The following SLC39A6 variants were observed in gnomAD, a reference collection of about 807,000 sequenced individuals.
The protein encoded by SLC39A6 is solute carrier family 39 member 6.
SLC39A6 carries 51 observed loss-of-function variants against 63.5 expected under a neutral mutation model. The observed-to-expected ratio is 0.80, with a 90% CI of 0.64 to 1.01. The LOEUF (loss-of-function observed/expected upper bound fraction) is 1.01, where lower values mean the gene tolerates loss of function less well. Ranked by LOEUF, SLC39A6 falls within the 50% of genes least tolerant of loss-of-function variation. The pLI is 0.00. For missense variants in SLC39A6, 805 were observed against 927.8 expected, an observed-to-expected ratio of 0.87 and a Z score of 1.72; for synonymous variants, 318 against 324.7, an observed-to-expected ratio of 0.98 and a Z score of 0.22.
chr18:36,125,350 G>GAAAA (rs72307025), intron 2 of SLC39A6, among the ~76,000 whole-genome samples: 3 of 134,044 alleles, frequency 2.2e-5, no homozygotes, highest in Non-Finnish European at 1.6e-5. Flanking sequence ...AGCCAAAAAA[G>GAAAA]AAAAAAAAAA....
chr18:36,122,247 A>T lies in SLC39A6; in HGVS notation c.1164T>A (p.Ser388Arg). 1 of 1,613,346 alleles carries T rather than the reference A, an allele frequency of 6.2e-7. No homozygotes were observed. The highest frequency in any genetic ancestry group is 8.5e-7 in the Non-Finnish European group (1 of 1,179,536). ...LPHSHASHHH[S>R]HSHEEPAMEM... ...CCATTGCTGGTTCTTCATGGCTATG[A>T]CTATGGTGGTGACTTGCATGAGACT... The change falls in exon 5 of 10, where the codon AGT becomes AGA. Residue 388 changes from serine (S) to arginine (R), a missense_variant. Around this residue, in one of 4 missense-constraint regions of SLC39A6, gnomAD observed 639 missense variants for 644.0 expected, o/e 0.99. Transcript: ENST00000269187.
At chr18:36,120,290 T>A (rs2089382178) in intron 5 of SLC39A6, among the ~76,000 whole-genome samples, 1 of 152,016 alleles carries the variant, frequency 6.6e-6, no homozygotes, top group African/African-American at 2.4e-5. Context: ...TAGAAACTAT[T>A]CAATAACATT....
chr18:36,111,278 A>C (rs767290311), intron 8 of SLC39A6, 29 bp from the exon 9 acceptor site: 1 of 1,602,304 alleles, frequency 6.2e-7, no homozygotes, highest in East Asian at 2.2e-5. Flanking sequence ...AAGGAGGAAA[A>C]AGTCATTGAG....
At chr18:36,115,484 A>T (rs1290021102) in intron 6 of SLC39A6, among the ~76,000 whole-genome samples, 1 of 151,708 alleles carries the variant, frequency 6.6e-6, no homozygotes, top group Non-Finnish European at 1.5e-5. Flanking sequence ...AACAACAACA[A>T]CAACAACAAC....
Position 36,108,912 on chromosome 18 carries a change from G to A in SLC39A6, c.*681C>T, listed in dbSNP as rs1394300584. 6.6e-6 allele frequency: 1 copy of A among 152,072 alleles called. No individual in the cohort carries two copies. The highest frequency in any genetic ancestry group is 2.4e-5 in the African/African-American group (1 of 41,402). 9.4% of individuals were successfully genotyped at this position (152,072 alleles called of 1,614,324 possible). On this transcript the variant is annotated 3_prime_UTR_variant, in exon 10 of 10. Transcript: ENST00000269187. ...CAATTTCTTGGTCAAGTGATATATT[G>A]CTTGAATTCATTAAATATATTTAGA...
chr18:36,126,296 T>C lies in SLC39A6; in HGVS notation c.712A>G (p.Arg238Gly). ...TCACTCACAGATTCATTTGTTTTCC[T>C]ACCAGCCAGCCGGCTCACCCGGCTC... Reference protein sequence around the residue: ...SKSRVSRLAGRKTNESVSEPR... With the variant: ...SKSRVSRLAGGKTNESVSEPR... Residue 238 changes from arginine (R) to glycine (G), a missense_variant, in exon 2 of 10, where the codon AGG (arginine) becomes GGG (glycine). This residue lies in a region of SLC39A6 where 639 missense variants were observed against 644.0 expected (regional missense o/e 0.99). Transcript: ENST00000269187. 1.2e-6 allele frequency: 2 copies of C among 1,614,252 alleles called. No individual in the cohort carries two copies. Among genetic ancestry groups the C allele is most frequent in the Non-Finnish European group, 1.7e-6 (2 of 1,180,042 alleles).
chr18:36,124,423 T>G, intron 3 of SLC39A6, 97 bp downstream of exon 3: 1 of 721,108 alleles, frequency 1.4e-6, no homozygotes, highest in Non-Finnish European at 2.2e-6. Flanking sequence ...ATATTCAGAA[T>G]TGTACTGGAA....
At chr18:36,110,963 C>T in intron 9 of SLC39A6, 96 bp downstream of exon 9, 1 of 1,514,340 alleles carries the variant, frequency 6.6e-7, no homozygotes, top group Non-Finnish European at 8.8e-7. Flanking sequence ...CCACTTCCTG[C>T]TCCCCCAAAA....
intron 1 of SLC39A6, among the ~76,000 whole-genome samples, chr18:36,127,931 A>C (rs898042538): frequency 6.6e-6 from 1 of 152,118 alleles, no homozygotes; most frequent in Non-Finnish European, 1.5e-5. Flanking sequence ...TGTATACTTT[A>C]AATACACATT....
In SLC39A6 at chr18:36,124,511, C is replaced by T; in HGVS notation, c.970+9G>A. On this transcript the variant is annotated intron_variant, in intron 3 of 9. Coordinates refer to ENST00000269187, the MANE Select transcript of SLC39A6 (RefSeq NM_012319.4). ...TGAAATTGTTTTTACATAAAAAAGG[C>T]AATTTTACCTATTTGTAATGAATAG... is the stretch of plus-strand genomic sequence containing the variant. The T allele has an allele frequency of 2.7e-6, 4 of 1,497,756 alleles. No homozygotes were observed. Among genetic ancestry groups the T allele is most frequent in the Non-Finnish European group, 3.6e-6 (4 of 1,103,750 alleles). The allele number at this position is 1,497,756 out of a possible 1,614,324, so 92.8% of individuals were successfully genotyped here. A position where few individuals can be genotyped will look rare whatever the true frequency, so the allele number is the denominator to read the frequency against.
chr18:36,111,908 G>A (rs954278164), intron 8 of SLC39A6, among the ~76,000 whole-genome samples: 1 of 152,168 alleles, frequency 6.6e-6, no homozygotes, highest in Admixed American at 6.5e-5. Context: ...AAAGAAGGGA[G>A]GAATGGGTGG....
chr18:36,116,552 T>C, intron 6 of SLC39A6, 122 bp downstream of exon 6: 1 of 667,626 alleles, frequency 1.5e-6, no homozygotes, highest in East Asian at 2.7e-5. Flanking sequence ...TTACAAAGTA[T>C]GAGATACTGC....
At position 36,112,668 on chromosome 18, in the gene SLC39A6, A is replaced by G. The variant is rs1269029969; in HGVS notation, c.1844-87T>C. On this transcript the variant is annotated intron_variant, in intron 7 of 9. Transcript: ENST00000269187. ...GTATGCAAAATGAGGTAACAAGAAA[A>G]TGGTATTTTGGCTGTGAATGAATAG... The G allele has an allele frequency of 6.0e-6, 6 of 995,064 alleles. No homozygotes were observed. The Admixed American group carries it at 7.5e-5, about 12-fold the overall frequency. The allele number at this position is 995,064 out of a possible 1,614,324, so 61.6% of individuals were successfully genotyped here.
intron 5 of SLC39A6, among the ~76,000 whole-genome samples, chr18:36,119,763 C>A (rs761810915): frequency 3.9e-5 from 6 of 152,114 alleles, no homozygotes; most frequent in East Asian, 1.9e-4. Flanking sequence ...AGCCTGTAGT[C>A]TCAGTTACTT....
Position 36,109,202 on chromosome 18 carries a change from T to C in SLC39A6, c.*391A>G, listed in dbSNP as rs903204225. 6.5e-6 allele frequency: 1 copy of C among 153,282 alleles called. No individual in the cohort carries two copies. Among genetic ancestry groups the C allele is most frequent in the African/African-American group, 2.4e-5 (1 of 41,498 alleles). The allele number at this position is 153,282 out of a possible 1,614,324, so 9.5% of individuals were successfully genotyped here. ...TTAAATTCAGTATAAGCTTTCTTGG[T>C]ATTTTAGGCTTCATGCACATTCTTA... On this transcript the variant is annotated 3_prime_UTR_variant, in exon 10 of 10. Coordinates refer to ENST00000269187, the MANE Select transcript of SLC39A6 (RefSeq NM_012319.4).
Position 36,111,479 on chromosome 18 carries a change from C to CTTTTTT in SLC39A6, c.1925-236_1925-231dup, listed in dbSNP as rs747256624. 2.7e-5 allele frequency among the ~76,000 whole-genome samples: 3 copies of CTTTTTT among 110,608 alleles called. 1 individual carries two copies. Among genetic ancestry groups the CTTTTTT allele is most frequent in the African/African-American group, 3.2e-5 (1 of 31,582 alleles). 72.6% of individuals were successfully genotyped at this position (110,608 alleles called of 152,430 possible). Reference sequence around the variant, plus strand: ...TTCATCATTCAACTTGATGTACAAACTTTTTTTTTTTTTCTTTTTTTTGAG... The same window carrying CTTTTTT: ...TTCATCATTCAACTTGATGTACAAACTTTTTTTTTTTTTTTTTTTCTTTTTTTTGAG... On this transcript the variant is annotated intron_variant, in intron 8 of 9. Coordinates refer to ENST00000269187, the MANE Select transcript of SLC39A6 (RefSeq NM_012319.4).
In SLC39A6 at chr18:36,129,184, G is replaced by C. The variant is rs757533227; in HGVS notation, c.-80C>G. 6.5e-6 allele frequency: 1 copy of C among 153,612 alleles called. No homozygotes were observed. Among genetic ancestry groups the C allele is most frequent in the Non-Finnish European group, 1.5e-5 (1 of 68,932 alleles). The allele number at this position is 153,612 out of a possible 1,614,324, so 9.5% of individuals were successfully genotyped here. On this transcript the variant is annotated 5_prime_UTR_variant, in exon 1 of 10. Coordinates refer to ENST00000269187, the MANE Select transcript of SLC39A6 (RefSeq NM_012319.4). ...TTGGTTCCACACGGGCGGTCCAGAG[G>C]GCTCGGAACGGGCCCACTGGTGTCT...
chr18:36,123,574 A>G lies in SLC39A6; in HGVS notation c.1061T>C (p.Phe354Ser). 1 of 1,613,908 alleles carries G rather than the reference A, an allele frequency of 6.2e-7. No individual in the cohort carries two copies. The highest frequency in any genetic ancestry group is 8.5e-7 in the Non-Finnish European group (1 of 1,179,956). The change falls in exon 4 of 10, where the codon TTC (phenylalanine) becomes TCC (serine). Residue 354 changes from phenylalanine to serine, a missense_variant. Around this residue, in one of 4 missense-constraint regions of SLC39A6, gnomAD observed 639 missense variants for 644.0 expected, o/e 0.99. Transcript: ENST00000269187. ...ILVPLMNRVF[F>S]KFLLSFLVAL... is the part of the protein sequence containing the mutation. ...CACAAGGAAACTCAGGAGAAATTTGAAAAACACCCGATTCATGAGAGGCAC... is the reference window on the plus strand; with the variant it reads ...CACAAGGAAACTCAGGAGAAATTTGGAAAACACCCGATTCATGAGAGGCAC...
chr18:36,121,834 G>C (rs971185156), intron 5 of SLC39A6, among the ~76,000 whole-genome samples: 2 of 152,132 alleles, frequency 1.3e-5, no homozygotes, highest in African/African-American at 2.4e-5. Context: ...CCTGTCATGA[G>C]TTTCAAAAGA....
Sources: allele counts gnomAD v4.1 joint callset (sites outside exome capture counted in the v4.1 genomes callset), GRCh38; gene constraint gnomAD v4.1.1; regional missense constraint gnomAD v4.1.1; transcripts MANE v1.5; gene names NCBI Gene and HGNC (gene_info 2026-07-23, HGNC 2026-07-21).